ABCB10: variants seen among roughly 807,000 people sequenced by gnomAD.
The protein encoded by ABCB10 is ATP-binding cassette sub-family B member 10, mitochondrial.
Under a neutral mutation model 65.4 loss-of-function variants are expected in ABCB10, and 54 were observed. The observed-to-expected ratio is 0.83, with a 90% CI of 0.66 to 1.04. The LOEUF (loss-of-function observed/expected upper bound fraction) is 1.04. Ranked by LOEUF, ABCB10 falls within the 50% of genes least tolerant of loss-of-function variation. ABCB10 has a pLI of 0.00. For missense variants in ABCB10, 846 were observed against 976.6 expected, an observed-to-expected ratio of 0.87 and a Z score of 1.78; for synonymous variants, 418 against 406.5, an observed-to-expected ratio of 1.03 and a Z score of -0.34.
chr1:229,538,955 A>G (rs1662781252), intron 6 of ABCB10, among the ~76,000 whole-genome samples: 1 of 152,224 alleles, frequency 6.6e-6, no homozygotes, highest in Non-Finnish European at 1.5e-5. Context: ...CAGATTCTTA[A>G]TAAAAGCAGG....
intron 1 of ABCB10, among the ~76,000 whole-genome samples, chr1:229,557,452 G>C (rs968853613): frequency 1.3e-5 from 2 of 152,184 alleles, no homozygotes; most frequent in Non-Finnish European, 2.9e-5. Flanking sequence ...AAAAATTTTA[G>C]ATCTTACAAG....
chr1:229,542,836 A>C (rs553834701), intron 3 of ABCB10, among the ~76,000 whole-genome samples: 7 of 152,078 alleles, frequency 4.6e-5, no homozygotes, highest in African/African-American at 1.4e-4. Context: ...GTCACCAAAA[A>C]ACCCCATTAT....
rs371876768 is a variant in ABCB10 at position 229,539,518 on chromosome 1, A to C, written c.1277T>G (p.Met426Arg). The C allele has an allele frequency of 6.2e-7, 1 of 1,614,044 alleles. No individual in the cohort carries two copies. ...GAAGGAAGAGAGTTCACCCACGGTC[A>C]TGTGGGCACTGCCCATCAGCAGCCC... Reference protein sequence around the residue: ...KGGLLMGSAHMTVGELSSFLM... With the variant: ...KGGLLMGSAHRTVGELSSFLM... The change falls in exon 6 of 13, where the codon ATG (methionine) becomes AGG (arginine). Residue 426 changes from methionine to arginine, a missense_variant. Physicochemically the swap from Met to Arg is moderately conservative, Grantham distance 91. Coordinates refer to ENST00000344517, the MANE Select transcript of ABCB10 (RefSeq NM_012089.3).
intron 6 of ABCB10, among the ~76,000 whole-genome samples, chr1:229,533,612 T>C (rs1003551406): frequency 3.9e-5 from 6 of 152,236 alleles, no homozygotes; most frequent in African/African-American, 1.2e-4. Flanking sequence ...TTGGCAAAAA[T>C]AGACCCCCAT....
At chr1:229,539,386 CA>C in intron 6 of ABCB10, 69 bp downstream of exon 6, 3 of 1,561,028 alleles carry the variant, frequency 1.9e-6, no homozygotes, top group Non-Finnish European at 2.6e-6. Flanking sequence ...TGTGAAAGTT[CA>C]GTTTCTCTTT....
chr1:229,519,060 TCC>T, intron 11 of ABCB10, 185 bp from the exon 12 acceptor site: 1 of 465,430 alleles, frequency 2.1e-6, no homozygotes, highest in South Asian at 3.4e-5. Flanking sequence ...ATATGAAATG[TCC>T]ACAACAGGCA....
chr1:229,558,062 C>T, intron 1 of ABCB10, 74 bp downstream of exon 1: 2 of 1,258,674 alleles, frequency 1.6e-6, no homozygotes, highest in Non-Finnish European at 2.0e-6. Context: ...GGCCGTGTCC[C>T]TCTCGGCGCC....
chr1:229,531,608 C>T (rs769771435), intron 7 of ABCB10, 28 bp downstream of exon 7: 1 of 1,605,000 alleles, frequency 6.2e-7, no homozygotes, highest in East Asian at 2.2e-5. Context: ...TTTGTTAATC[C>T]TAGCAAAGAA....
chr1:229,535,983 C>T (rs111412247), intron 6 of ABCB10, among the ~76,000 whole-genome samples: 6,597 of 152,032 alleles, frequency 0.043, 404 homozygotes, highest in African/African-American at 0.14. Context: ...GCCTCAGCCT[C>T]GCAAAGTGCT....
At position 229,547,520 on chromosome 1, in the gene ABCB10, A is replaced by C; in HGVS notation, c.900T>G (p.Ala300=). The part of the protein sequence containing the change: ...LSDGLRAGAQ[A]SVGISMMFFV... ...ATACCATCATACTGATGCCTACGGA[A>C]GCCTGGGCCCCGGCCCTGAGCCCAT... Residue 300 remains alanine, a synonymous_variant, in exon 3 of 13, where the codon GCT becomes GCG. Coordinates refer to ENST00000344517, the MANE Select transcript of ABCB10 (RefSeq NM_012089.3). 2 of 1,613,074 alleles carry C rather than the reference A, an allele frequency of 1.2e-6. No homozygotes were observed. The highest frequency in any genetic ancestry group is 2.2e-5 in the South Asian group (2 of 91,042).
At chr1:229,554,899 A>G (rs1022476581) in intron 1 of ABCB10, among the ~76,000 whole-genome samples, 1 of 152,118 alleles carries the variant, frequency 6.6e-6, no homozygotes, top group Non-Finnish European at 1.5e-5. Flanking sequence ...CACTGTGGTC[A>G]CTCACGGCCC....
chr1:229,534,718 A>C (rs2102693195), intron 6 of ABCB10, among the ~76,000 whole-genome samples: 1 of 152,038 alleles, frequency 6.6e-6, no homozygotes, highest in South Asian at 2.1e-4. Flanking sequence ...AAAATACAAA[A>C]AAAATAGCTG....
At chr1:229,531,892 A>G (rs894162602) in intron 6 of ABCB10, 161 bp from the exon 7 acceptor site, 21 of 471,406 alleles carry the variant, frequency 4.5e-5, no homozygotes, top group African/African-American at 4.3e-4. Context: ...TGATACTCAG[A>G]ATTGCTTGTC....
At chr1:229,545,500 A>G (rs577365810) in intron 3 of ABCB10, among the ~76,000 whole-genome samples, 1 of 152,336 alleles carries the variant, frequency 6.6e-6, no homozygotes, top group Non-Finnish European at 1.5e-5. Context: ...GGCAGGTATG[A>G]CTGAGACATT....
chr1:229,530,576 C>T (rs1257675166), intron 7 of ABCB10, among the ~76,000 whole-genome samples, 168 bp from the exon 8 acceptor site: 2 of 152,164 alleles, frequency 1.3e-5, no homozygotes, highest in African/African-American at 4.8e-5. Context: ...TAAATGCTTA[C>T]CACGTGCCAA....
chr1:229,520,232 G>C (rs2102799956), intron 11 of ABCB10, among the ~76,000 whole-genome samples: 1 of 152,246 alleles, frequency 6.6e-6, no homozygotes, highest in East Asian at 1.9e-4. Flanking sequence ...AACTTTGGGA[G>C]GCCAAGGTGG....
At chr1:229,555,549 C>A (rs1389982900) in intron 1 of ABCB10, among the ~76,000 whole-genome samples, 1 of 152,220 alleles carries the variant, frequency 6.6e-6, no homozygotes, top group Non-Finnish European at 1.5e-5. Flanking sequence ...CTGATGCAAT[C>A]AAAGTTTTCT....
At chr1:229,549,179 A>C in intron 2 of ABCB10, 55 bp downstream of exon 2, 1 of 1,593,320 alleles carries the variant, frequency 6.3e-7, no homozygotes, top group Non-Finnish European at 8.6e-7. Flanking sequence ...ACAAACCCAC[A>C]GGACTCTACA....
In ABCB10 at chr1:229,547,785, T is replaced by C. The variant is rs1007627838; in HGVS notation, c.719-84A>G. The C allele has an allele frequency of 1.8e-5, 25 of 1,366,820 alleles. No homozygotes were observed. The South Asian group carries it at 3.0e-4, about 16-fold the overall frequency. The allele number at this position is 1,366,820 out of a possible 1,614,324, so 84.7% of individuals were successfully genotyped here. A position where few individuals can be genotyped will look rare whatever the true frequency, so the allele number is the denominator to read the frequency against. On this transcript the variant is annotated intron_variant, in intron 2 of 12. Transcript: ENST00000344517. ...GGCAGCCACTTACTGTGCAGCAGCT[T>C]GGCCTGGAGTTGTAACCCTCCTGAG...
Sources: gnomAD v4.1 joint callset for allele counts (sites outside exome capture counted in the v4.1 genomes callset) on GRCh38, gnomAD v4.1.1 for gene constraint, MANE v1.5 for transcripts, NCBI Gene and HGNC (gene_info 2026-07-23, HGNC 2026-07-21) for gene names.